The following CTNNA3 variants were observed in gnomAD, a reference collection of about 807,000 sequenced individuals.
CTNNA3 encodes the protein catenin alpha 3.
In CTNNA3, 76 loss-of-function variants were observed where a neutral mutation model predicts 95.7. The ratio of observed to expected loss-of-function variants is 0.79; its 90% CI spans 0.66 to 0.96. CTNNA3 has a LOEUF of 0.96. Ranked by LOEUF, CTNNA3 falls within the 40% of genes least tolerant of loss-of-function variation. The probability of loss-of-function intolerance (pLI) is 0.00; values close to 1 mark genes in which losing one functional copy is unlikely to be tolerated. For missense variants in CTNNA3, 1,191 were observed against 1,089.8 expected (o/e 1.09, Z -1.31); for synonymous variants, 431 against 374.4 (o/e 1.15, Z -1.74).
intron 10 of CTNNA3, among the ~76,000 whole-genome samples, chr10:66,566,068 T>C (rs60424434): frequency 0.072 from 11,003 of 152,214 alleles, 491 homozygotes; most frequent in African/African-American, 0.11. Context: ...CTAAATTTTA[T>C]TTATTGACTT....
At chr10:66,751,003 C>T (rs578000975) in intron 9 of CTNNA3, among the ~76,000 whole-genome samples, 1 of 152,158 alleles carries the variant, frequency 6.6e-6, no homozygotes, top group South Asian at 2.1e-4. Flanking sequence ...GGCGTGGTGG[C>T]TCATGTCTAT....
intron 7 of CTNNA3, among the ~76,000 whole-genome samples, chr10:66,933,339 C>T (rs1426965278): frequency 6.6e-6 from 1 of 152,132 alleles, no homozygotes; most frequent in Non-Finnish European, 1.5e-5. Context: ...AAGACACCGA[C>T]CAGCGAACAC....
chr10:65,936,660 G>A (rs561663325), intron 17 of CTNNA3, among the ~76,000 whole-genome samples: 1 of 152,156 alleles, frequency 6.6e-6, no homozygotes, highest in African/African-American at 2.4e-5. Flanking sequence ...CAGCAGTGTA[G>A]CATAATGATT....
At chr10:67,462,830 CAG>C (rs1445099985) in intron 5 of CTNNA3, among the ~76,000 whole-genome samples, 1 of 152,118 alleles carries the variant, frequency 6.6e-6, no homozygotes, top group East Asian at 1.9e-4. Flanking sequence ...CTCACTAACA[CAG>C]AGTTTTCTTT....
At chr10:66,515,770 C>T (rs1247309101) in intron 11 of CTNNA3, among the ~76,000 whole-genome samples, 1 of 151,928 alleles carries the variant, frequency 6.6e-6, no homozygotes, top group Non-Finnish European at 1.5e-5. Context: ...CATCAGATCT[C>T]GTGAGAATTA....
At chr10:65,999,757 C>T (rs1050413854) in intron 15 of CTNNA3, among the ~76,000 whole-genome samples, 6 of 152,086 alleles carry the variant, frequency 3.9e-5, no homozygotes, top group African/African-American at 9.7e-5. Flanking sequence ...TTGTTTGCTG[C>T]CTTCATTTCC....
intron 10 of CTNNA3, among the ~76,000 whole-genome samples, chr10:66,577,654 CA>C (rs1843049463): frequency 6.6e-6 from 1 of 152,014 alleles, no homozygotes; most frequent in Non-Finnish European, 1.5e-5. Flanking sequence ...GGCTTTATCT[CA>C]GGGTTCTCTA....
intron 13 of CTNNA3, among the ~76,000 whole-genome samples, chr10:66,222,062 T>A (rs556858280): frequency 1.3e-5 from 2 of 152,296 alleles, no homozygotes; most frequent in Admixed American, 1.3e-4. Flanking sequence ...TAAAATTGGT[T>A]CACTTTGATG....
chr10:67,238,489 G>A (rs1360940003), intron 5 of CTNNA3, among the ~76,000 whole-genome samples: 6 of 151,584 alleles, frequency 4.0e-5, no homozygotes, highest in South Asian at 2.1e-4. Flanking sequence ...GCCAGAAAAC[G>A]CATGCAGGCT....
intron 13 of CTNNA3, among the ~76,000 whole-genome samples, chr10:66,251,222 G>C (rs1022736715): frequency 1.2e-4 from 18 of 152,058 alleles, no homozygotes; most frequent in African/African-American, 4.1e-4. Context: ...ATTTATTAGT[G>C]TCTCTTCCAT....
intron 7 of CTNNA3, among the ~76,000 whole-genome samples, chr10:66,946,493 G>T (rs1361580049): frequency 6.6e-6 from 1 of 152,080 alleles, no homozygotes; most frequent in East Asian, 1.9e-4. Flanking sequence ...CACAGATCAA[G>T]AAACAGAACA....
At chr10:66,332,083 G>A (rs2092337312) in intron 12 of CTNNA3, among the ~76,000 whole-genome samples, 1 of 151,962 alleles carries the variant, frequency 6.6e-6, no homozygotes, top group South Asian at 2.1e-4. Flanking sequence ...TGTGATTTTT[G>A]CGCATTGATT....
At chr10:67,077,518 G>C (rs1856801810) in intron 7 of CTNNA3, among the ~76,000 whole-genome samples, 2 of 151,944 alleles carry the variant, frequency 1.3e-5, no homozygotes, top group Non-Finnish European at 2.9e-5. Context: ...CTCATCCTTT[G>C]CACAATGTTA....
At chr10:67,282,677 C>A (rs915512900) in intron 5 of CTNNA3, among the ~76,000 whole-genome samples, 1 of 152,150 alleles carries the variant, frequency 6.6e-6, no homozygotes, top group Non-Finnish European at 1.5e-5. Flanking sequence ...GAGGCAGCTC[C>A]AAATCCATTC....
chr10:66,674,948 A>C (rs1440559116), intron 9 of CTNNA3, among the ~76,000 whole-genome samples: 1 of 152,124 alleles, frequency 6.6e-6, no homozygotes, highest in African/African-American at 2.4e-5. Flanking sequence ...AACTGCATTT[A>C]GAATGCCGAT....
chr10:66,779,118 C>G (rs1840428548), intron 7 of CTNNA3, among the ~76,000 whole-genome samples: 1 of 152,194 alleles, frequency 6.6e-6, no homozygotes, highest in African/African-American at 2.4e-5. Flanking sequence ...AAACCCTTCA[C>G]TGTATCCCTA....
intron 7 of CTNNA3, among the ~76,000 whole-genome samples, chr10:66,827,695 C>T (rs1344693906): frequency 6.6e-6 from 1 of 152,132 alleles, no homozygotes; most frequent in Non-Finnish European, 1.5e-5. Context: ...ATACAAACTA[C>T]AAAATGCTAC....
At chr10:67,031,535 A>G (rs1853727631) in intron 7 of CTNNA3, among the ~76,000 whole-genome samples, 1 of 152,214 alleles carries the variant, frequency 6.6e-6, no homozygotes, top group South Asian at 2.1e-4. Context: ...AAGTAATGTC[A>G]CTAAAAGACT....
At chr10:67,441,740 A>G (rs1397715934) in intron 5 of CTNNA3, among the ~76,000 whole-genome samples, 1 of 152,144 alleles carries the variant, frequency 6.6e-6, no homozygotes, top group Non-Finnish European at 1.5e-5. Context: ...AAGGAGAAAT[A>G]CTTTCCTGGA....
Sources: allele counts gnomAD v4.1 joint callset (sites outside exome capture counted in the v4.1 genomes callset), GRCh38; gene constraint gnomAD v4.1.1; transcripts MANE v1.5; gene names NCBI Gene and HGNC (gene_info 2026-07-23, HGNC 2026-07-21).